Variants in IQCH observed in about 807,000 individuals in gnomAD.
IQCH encodes the protein IQ motif containing H, also known as IQ domain-containing protein H.
A neutral mutation model predicts 117.0 loss-of-function variants in IQCH; 98 were observed. The observed-to-expected ratio is 0.84, with a 90% CI of 0.71 to 0.99. The LOEUF (loss-of-function observed/expected upper bound fraction) is 0.99. Among genes scored for constraint, IQCH ranks in the 50% least tolerant of loss-of-function variants. The pLI, the probability that IQCH is intolerant of heterozygous loss-of-function variation, is 0.00. For synonymous variants in IQCH, 412 were observed against 448.2 expected (o/e 0.92, Z 1.02); for missense variants, 1,102 against 1,243.8 (o/e 0.89, Z 1.72).
At chr15:67,400,403 C>T (rs974157666) in intron 14 of IQCH, 98 bp downstream of exon 14, 1 of 795,666 alleles carries the variant, frequency 1.3e-6, no homozygotes, top group Admixed American at 2.2e-5. Context: ...TTCCTCTCTA[C>T]TTAGCTCTGT....
chr15:67,359,239 C>T lies in IQCH; in HGVS notation c.715-608C>T, dbSNP rs996750935. 6.6e-6 allele frequency among the ~76,000 whole-genome samples: 1 copy of T among 152,024 alleles called. No homozygotes were observed. The highest frequency in any genetic ancestry group is 1.5e-5 in the Non-Finnish European group (1 of 68,000). ...GTTTTAGCCAGTAAATGGTTTACCA[C>T]GAAAAAAATAGTTTTAAATAATGAC... On this transcript the variant is annotated intron_variant, in intron 7 of 20. Transcript: ENST00000335894. The surrounding 1 kb of genome is among the most constrained non-coding windows in gnomAD (Gnocchi z 4.5).
chr15:67,439,905 A>G (rs1321606851), intron 16 of IQCH, among the ~76,000 whole-genome samples: 1 of 148,848 alleles, frequency 6.7e-6, no homozygotes, highest in Non-Finnish European at 1.5e-5. Flanking sequence ...AAAAAAAAAA[A>G]ATACAAACGA....
At chr15:67,288,153 T>G (rs4776914) in intron 4 of IQCH, among the ~76,000 whole-genome samples, 151,284 of 152,198 alleles carry the variant, frequency 0.99, 75,200 homozygotes, top group Non-Finnish European at 1. Flanking sequence ...GACCTCTTTT[T>G]TGACCTAACA....
chr15:67,445,947 C>T lies in IQCH; in HGVS notation c.2506-19180C>T, dbSNP rs2082381660. 6.6e-6 allele frequency among the ~76,000 whole-genome samples: 1 copy of T among 152,178 alleles called. No homozygotes were observed. The highest frequency in any genetic ancestry group is 1.5e-5 in the Non-Finnish European group (1 of 68,038). On this transcript the variant is annotated intron_variant, in intron 16 of 20. Transcript: ENST00000335894. The surrounding 1 kb of genome is among the most constrained non-coding windows in gnomAD (Gnocchi z 4.3). The stretch of plus-strand genomic sequence containing the variant: ...TGGCAGTTACCACCAAGGAGGACAA[C>T]TGTGTTCCCCTGCAGCTTTTCCCCA...
At chr15:67,400,052 C>A in intron 13 of IQCH, 62 bp from the exon 14 acceptor site, 3 of 1,359,132 alleles carry the variant, frequency 2.2e-6, no homozygotes, top group Non-Finnish European at 3.1e-6. Context: ...TAAGTTGTTA[C>A]GATAAAAAGG....
In IQCH at chr15:67,372,259, T is replaced by C. The variant is rs1199271908; in HGVS notation, c.902T>C (p.Leu301Pro). 1 of 1,614,106 alleles carries C rather than the reference T, an allele frequency of 6.2e-7. No individual in the cohort carries two copies. Among genetic ancestry groups the C allele is most frequent in the Non-Finnish European group, 8.5e-7 (1 of 1,179,988 alleles). Residue 301 changes from leucine (L) to proline (P), a missense_variant, in exon 9 of 21, where the codon CTC becomes CCC. Physicochemically the swap from Leu to Pro is moderately conservative, Grantham distance 98 (BLOSUM62 -3). Transcript: ENST00000335894. ...TTAGCTTGGGGAGGTATTTTTTCTCTCTTGGAACACGTCGAGAAGTTTCTC... is the reference window on the plus strand; with the variant it reads ...TTAGCTTGGGGAGGTATTTTTTCTCCCTTGGAACACGTCGAGAAGTTTCTC... Reference protein sequence around the residue: ...FSLAWGGIFSLLEHVEKFLRN... With the variant: ...FSLAWGGIFSPLEHVEKFLRN...
intron 6 of IQCH, among the ~76,000 whole-genome samples, chr15:67,352,774 G>A (rs1455983208): frequency 6.6e-6 from 1 of 151,976 alleles, no homozygotes; most frequent in Non-Finnish European, 1.5e-5. Context: ...AGGCATATAG[G>A]TCTTTTTATT....
chr15:67,498,458 AAT>A (rs1210410586), intron 20 of IQCH, among the ~76,000 whole-genome samples: 2 of 151,950 alleles, frequency 1.3e-5, no homozygotes, highest in African/African-American at 4.8e-5. Context: ...CTTTACTAAA[AAT>A]ATAAAAATTA....
At chr15:67,360,593 A>T (rs574433602) in intron 8 of IQCH, among the ~76,000 whole-genome samples, 1 of 152,360 alleles carries the variant, frequency 6.6e-6, no homozygotes, top group South Asian at 2.1e-4. Context: ...CAAGGATCAG[A>T]TGCATTAATG....
At chr15:67,489,829 T>A (rs189958169) in intron 18 of IQCH, among the ~76,000 whole-genome samples, 174 bp from the exon 19 acceptor site, 2 of 151,944 alleles carry the variant, frequency 1.3e-5, no homozygotes, top group African/African-American at 4.8e-5. Flanking sequence ...TTCTAGAACA[T>A]ATTTACTCCA....
intron 4 of IQCH, among the ~76,000 whole-genome samples, chr15:67,309,138 T>A (rs923588031): frequency 2.0e-5 from 3 of 152,094 alleles, no homozygotes; most frequent in African/African-American, 7.2e-5. Flanking sequence ...TCTCATAGGA[T>A]TGTATTGAGT....
At chr15:67,265,415 C>T (rs1214487288) in intron 3 of IQCH, among the ~76,000 whole-genome samples, 1 of 152,180 alleles carries the variant, frequency 6.6e-6, no homozygotes, top group Non-Finnish European at 1.5e-5. Flanking sequence ...CATTGGCCTT[C>T]TTACCAGGAA....
chr15:67,331,964 G>A (rs1208513180), intron 4 of IQCH, among the ~76,000 whole-genome samples: 1 of 152,148 alleles, frequency 6.6e-6, no homozygotes, highest in Non-Finnish European at 1.5e-5. Context: ...GGGATGCTGG[G>A]AAATGTATTC....
chr15:67,375,161 C>T (rs953774689), intron 10 of IQCH, among the ~76,000 whole-genome samples: 1 of 152,144 alleles, frequency 6.6e-6, no homozygotes, highest in Non-Finnish European at 1.5e-5. Context: ...TTCAAAAGGG[C>T]TTACTGAATA....
chr15:67,372,028 T>C (rs1418326528), intron 8 of IQCH, 83 bp from the exon 9 acceptor site: 1 of 1,159,532 alleles, frequency 8.6e-7, no homozygotes, highest in Non-Finnish European at 1.2e-6. Context: ...TGCTAAATGA[T>C]AATGTAGTGT....
At position 67,475,890 on chromosome 15, in the gene IQCH, G is replaced by A. The variant is rs2083190219; in HGVS notation, c.2799+72G>A. 5.1e-6 allele frequency: 7 copies of A among 1,370,670 alleles called. No homozygotes were observed. The highest frequency in any genetic ancestry group is 7.2e-6 in the Non-Finnish European group (7 of 970,514). The allele number at this position is 1,370,670 out of a possible 1,614,324, so 84.9% of individuals were successfully genotyped here. A position where few individuals can be genotyped will look rare whatever the true frequency, so the allele number is the denominator to read the frequency against. ...GGGTGATCTAGGTAGCTAATAATTT[G>A]GTGCCCCTTCAGATAGATATTCTTT... On this transcript the variant is annotated intron_variant, in intron 18 of 20. Coordinates refer to ENST00000335894, the MANE Select transcript of IQCH (RefSeq NM_001031715.3). The surrounding 1 kb of genome is among the most constrained non-coding windows in gnomAD (Gnocchi z 5.7).
chr15:67,469,063 CTTG>C (rs2083005072), intron 17 of IQCH, among the ~76,000 whole-genome samples: 1 of 152,086 alleles, frequency 6.6e-6, no homozygotes, highest in Admixed American at 6.6e-5. Context: ...TTGAAGCATT[CTTG>C]TTAAATTGTG....
At chr15:67,303,567 A>C (rs1199026996) in intron 4 of IQCH, among the ~76,000 whole-genome samples, 1 of 152,168 alleles carries the variant, frequency 6.6e-6, no homozygotes, top group Non-Finnish European at 1.5e-5. Context: ...GAGACCATTA[A>C]GTCTAACATG....
intron 16 of IQCH, among the ~76,000 whole-genome samples, chr15:67,448,072 T>A (rs1295406012): frequency 2.0e-5 from 3 of 151,960 alleles, no homozygotes; most frequent in African/African-American, 7.3e-5. Context: ...TATCACAGGC[T>A]CCCACACTTA....
Sources: allele counts gnomAD v4.1 joint callset (sites outside exome capture counted in the v4.1 genomes callset), GRCh38; gene constraint gnomAD v4.1.1; non-coding constraint Gnocchi (gnomAD v3.1); transcripts MANE v1.5; gene names NCBI Gene and HGNC (gene_info 2026-07-23, HGNC 2026-07-21).